The following PGBD1 variants were observed in gnomAD, a reference collection of about 807,000 sequenced individuals.
The protein encoded by PGBD1 is piggyBac transposable element derived 1.
A neutral mutation model predicts 34.7 loss-of-function variants in PGBD1; 25 were observed. The ratio of observed to expected loss-of-function variants is 0.72; its 90% CI spans 0.52 to 1.00. PGBD1 has a LOEUF of 1.00. Ranked by LOEUF, PGBD1 falls within the 50% of genes least tolerant of loss-of-function variation. PGBD1 has a pLI of 0.00. For missense variants in PGBD1, 830 were observed against 959.4 expected, an observed-to-expected ratio of 0.87 and a Z score of 1.78; for synonymous variants, 292 against 335.7, an observed-to-expected ratio of 0.87 and a Z score of 1.42.
Position 28,288,881 on chromosome 6 carries a change from G to A in PGBD1, c.642+1713G>A, listed in dbSNP as rs1444884227. Among the ~76,000 whole-genome samples, 4 of 152,084 alleles carry A rather than the reference G, an allele frequency of 2.6e-5. No homozygotes were observed. The East Asian group carries it at 5.8e-4, about 22-fold the overall frequency. ...CAGGCACCTGCAATGCCAGCTACTCGGGAGGCTGAGGCAGGAGAATCGCTT... is the reference window on the plus strand; with the variant it reads ...CAGGCACCTGCAATGCCAGCTACTCAGGAGGCTGAGGCAGGAGAATCGCTT... On this transcript the variant is annotated intron_variant, in intron 4 of 6. Coordinates refer to ENST00000682144, the MANE Select transcript of PGBD1 (RefSeq NM_032507.4).
chr6:28,284,461 C>T (rs1224671837), intron 2 of PGBD1, among the ~76,000 whole-genome samples: 2 of 151,918 alleles, frequency 1.3e-5, no homozygotes, highest in African/African-American at 2.4e-5. Context: ...TATACACACA[C>T]ATACATACAC....
intron 4 of PGBD1, among the ~76,000 whole-genome samples, chr6:28,292,392 A>G (rs1331416577): frequency 1.3e-5 from 2 of 152,144 alleles, no homozygotes; most frequent in Non-Finnish European, 2.9e-5. Context: ...ACACCAAATT[A>G]AGTTAAATTT....
chr6:28,293,798 C>T (rs1762543380), intron 4 of PGBD1, among the ~76,000 whole-genome samples: 1 of 152,136 alleles, frequency 6.6e-6, no homozygotes, highest in African/African-American at 2.4e-5. Context: ...CCAGCTGTTC[C>T]CTCATCTCTT....
At chr6:28,297,290 C>A (rs1581638336) in intron 5 of PGBD1, among the ~76,000 whole-genome samples, 1 of 152,108 alleles carries the variant, frequency 6.6e-6, no homozygotes, top group Admixed American at 6.6e-5. Flanking sequence ...ACTTGGAAGC[C>A]CCATGAACAC....
intron 4 of PGBD1, among the ~76,000 whole-genome samples, chr6:28,287,646 G>T (rs1242974343): frequency 1.3e-5 from 2 of 151,038 alleles, no homozygotes; most frequent in African/African-American, 4.9e-5. Flanking sequence ...ATGGACTCTG[G>T]TTTTTTTTCT....
At position 28,300,638 on chromosome 6, in the gene PGBD1, C is replaced by T. The variant is rs1407730647; in HGVS notation, c.870-86C>T. On this transcript the variant is annotated intron_variant, in intron 6 of 6. Coordinates refer to ENST00000682144, the MANE Select transcript of PGBD1 (RefSeq NM_032507.4). This position sits in a 1 kb window ranked among gnomAD's most constrained non-coding sequence, Gnocchi z 4.0. ...ATCCCCCCACACCCACCCCAAGCCC[C>T]AAAAGATTTAAGCTTCAGCAGATTT... The T allele has an allele frequency of 2.0e-6, 3 of 1,476,798 alleles. No homozygotes were observed. The highest frequency in any genetic ancestry group is 1.8e-6 in the Non-Finnish European group (2 of 1,102,884). The allele number at this position is 1,476,798 out of a possible 1,614,324, so 91.5% of individuals were successfully genotyped here.
chr6:28,284,238 G>A (rs766885668), intron 2 of PGBD1, 29 bp downstream of exon 2: 1 of 1,456,594 alleles, frequency 6.9e-7, no homozygotes, highest in East Asian at 2.4e-5. Flanking sequence ...TGGTGATGTG[G>A]GAGAAGAAAA....
At chr6:28,296,706 C>A (rs1762645021) in intron 4 of PGBD1, 110 bp from the exon 5 acceptor site, 3 of 1,251,570 alleles carry the variant, frequency 2.4e-6, no homozygotes, top group Non-Finnish European at 1.1e-6. Flanking sequence ...TTACAAAATG[C>A]CCTGAGGGGC....
rs1215970762 is a variant in PGBD1, at chr6:28,285,830, A to T, written c.553+123A>T. ...TACCACAAGCTAACTTACATATCTC[A>T]CAGTTACCTTTTATGTGTCTGTGGT... On this transcript the variant is annotated intron_variant, in intron 3 of 6. Transcript: ENST00000682144. 3 of 928,490 alleles carry T rather than the reference A, an allele frequency of 3.2e-6. No individual in the cohort carries two copies. In the African/African-American group the frequency reaches 5.0e-5, roughly 16 times the overall value. The allele number at this position is 928,490 out of a possible 1,614,324, so 57.5% of individuals were successfully genotyped here.
At chr6:28,291,012 A>G (rs1206483916) in intron 4 of PGBD1, among the ~76,000 whole-genome samples, 1 of 151,892 alleles carries the variant, frequency 6.6e-6, no homozygotes, top group African/African-American at 2.4e-5. Context: ...AAGACATCAA[A>G]TGCACAACCT....
intron 4 of PGBD1, among the ~76,000 whole-genome samples, chr6:28,293,577 TAATTCTTA>T (rs1328954778): frequency 1.3e-5 from 2 of 152,238 alleles, no homozygotes; most frequent in Non-Finnish European, 2.9e-5. Context: ...CACATTTTGG[TAATTCTTA>T]AATTCTTAAA....
intron 4 of PGBD1, 83 bp downstream of exon 4, chr6:28,287,251 A>G (rs1257175405): frequency 1.6e-6 from 2 of 1,213,992 alleles, no homozygotes; most frequent in Non-Finnish European, 2.4e-6. Flanking sequence ...CTCTTGGCTC[A>G]CACTCATCAT....
At chr6:28,285,800 AT>A (rs1482523397) in intron 3 of PGBD1, 93 bp downstream of exon 3, 1 of 1,318,806 alleles carries the variant, frequency 7.6e-7, no homozygotes, top group African/African-American at 1.5e-5. Context: ...ACATTGTGAA[AT>A]GATTACCACA....
intron 4 of PGBD1, among the ~76,000 whole-genome samples, chr6:28,291,124 CAAAAA>C (rs555039853): frequency 5.8e-5 from 4 of 68,474 alleles, no homozygotes; most frequent in Admixed American, 4.5e-4. Flanking sequence ...AAATTGAGAC[CAAAAA>C]AAAAAAAAAA....
At chr6:28,285,332 GA>G (rs1762254338) in intron 2 of PGBD1, among the ~76,000 whole-genome samples, 2 of 152,168 alleles carry the variant, frequency 1.3e-5, no homozygotes, top group Non-Finnish European at 2.9e-5. Flanking sequence ...ATCTGTGGGA[GA>G]CATTTTGAGG....
intron 6 of PGBD1, among the ~76,000 whole-genome samples, chr6:28,299,349 A>T (rs1419265143): frequency 1.9e-5 from 1 of 52,904 alleles, no homozygotes. Context: ...CCCCCACCCC[A>T]CTTTCTTAGC....
At chr6:28,294,299 A>G (rs1042300106) in intron 4 of PGBD1, among the ~76,000 whole-genome samples, 4 of 152,202 alleles carry the variant, frequency 2.6e-5, no homozygotes, top group Admixed American at 2.6e-4. Flanking sequence ...CGTGAGGTGT[A>G]AGGAAGAAGC....
At chr6:28,291,182 A>G (rs1762440191) in intron 4 of PGBD1, among the ~76,000 whole-genome samples, 1 of 151,310 alleles carries the variant, frequency 6.6e-6, no homozygotes. Flanking sequence ...ATTTTTTTTA[A>G]AAGATAAACA....
Position 28,297,982 on chromosome 6 carries a change from A to T in PGBD1, c.860A>T (p.Lys287Met), listed in dbSNP as rs775742143. The change falls in exon 6 of 7, where the codon AAG (lysine) becomes ATG (methionine). Residue 287 changes from lysine to methionine, a missense_variant. Physicochemically the swap from Lys to Met is moderately conservative, Grantham distance 95. Coordinates refer to ENST00000682144, the MANE Select transcript of PGBD1 (RefSeq NM_032507.4). ...EMEQSGEASG[K>M]PNRECAPQIP... ...GAACAAAGTGGAGAAGCCTCAGGAAAGCCCAACAGGTGAGTGTCCATGGTC... is the reference window on the plus strand; with the variant it reads ...GAACAAAGTGGAGAAGCCTCAGGAATGCCCAACAGGTGAGTGTCCATGGTC... The T allele has an allele frequency of 6.2e-7, 1 of 1,606,890 alleles. No individual in the cohort carries two copies. The highest frequency in any genetic ancestry group is 1.3e-5 in the African/African-American group (1 of 74,716).
Sources: gnomAD v4.1 joint callset for allele counts (sites outside exome capture counted in the v4.1 genomes callset) on GRCh38, gnomAD v4.1.1 for gene constraint, Gnocchi (gnomAD v3.1) non-coding constraint, MANE v1.5 for transcripts, NCBI Gene and HGNC (gene_info 2026-07-23, HGNC 2026-07-21) for gene names.